PYGM: variants seen among roughly 807,000 people sequenced by gnomAD.
The protein encoded by PYGM is glycogen phosphorylase, muscle associated.
Under a neutral mutation model 99.3 loss-of-function variants are expected in PYGM, and 81 were observed. The ratio of observed to expected loss-of-function variants is 0.82; its 90% CI spans 0.68 to 0.98. The LOEUF (loss-of-function observed/expected upper bound fraction) is 0.98, where lower values mean the gene tolerates loss of function less well. Ranked by LOEUF, PYGM falls within the 50% of genes least tolerant of loss-of-function variation. The pLI is 0.00. For synonymous variants in PYGM, 436 were observed against 451.5 expected (o/e 0.97, Z 0.44); for missense variants, 1,030 against 1,158.1 (o/e 0.89, Z 1.61).
chr11:64,755,930 A>G lies in PYGM; in HGVS notation c.661-372T>C, dbSNP rs533994135. ...CTAGAGGACACTGTGGACTCATGAG[A>G]GGGCTGGGGGAACCCAGGGCCAGGC... On this transcript the variant is annotated intron_variant, in intron 5 of 19. Coordinates refer to ENST00000164139, the MANE Select transcript of PYGM (RefSeq NM_005609.4). The surrounding 1 kb of genome is among the most constrained non-coding windows in gnomAD (Gnocchi z 4.1). Among the ~76,000 whole-genome samples, 9 of 152,308 alleles carry G rather than the reference A, an allele frequency of 5.9e-5. No homozygotes were observed. In the South Asian group the frequency reaches 1.9e-3, roughly 32 times the overall value.
chr11:64,747,396 G>A (rs963261371), intron 17 of PYGM, 38 bp from the exon 18 acceptor site: 8 of 1,613,584 alleles, frequency 5.0e-6, no homozygotes, highest in Non-Finnish European at 6.8e-6. Flanking sequence ...CCCGGAAAGG[G>A]GTTCCTGGCT....
At position 64,753,504 on chromosome 11, in the gene PYGM, G is replaced by C. The variant is rs1376429966; in HGVS notation, c.1403+15C>G. 7.6e-6 allele frequency: 12 copies of C among 1,575,462 alleles called. No homozygotes were observed. Among genetic ancestry groups the C allele is most frequent in the African/African-American group, 2.7e-5 (2 of 74,354 alleles). ...GGGGCCTAGAGAGGGGCGGGATCTG[G>C]AAAGCGGGGCTCACATGGTCTTCTT... On this transcript the variant is annotated intron_variant, in intron 11 of 19. Transcript: ENST00000164139.
At chr11:64,750,913 C>T (rs745665974) in intron 16 of PYGM, among the ~76,000 whole-genome samples, 4 of 152,092 alleles carry the variant, frequency 2.6e-5, no homozygotes, top group Admixed American at 1.3e-4. Context: ...TTTTTTGAGA[C>T]GGAGTTTTGC....
At chr11:64,746,876 C>T in intron 19 of PYGM, 45 bp downstream of exon 19, 1 of 1,614,198 alleles carries the variant, frequency 6.2e-7, no homozygotes, top group Non-Finnish European at 8.5e-7. Context: ...TCATCCCAAC[C>T]AGGGCCACCA....
At chr11:64,747,146 C>T in intron 18 of PYGM, 78 bp downstream of exon 18, 1 of 1,590,792 alleles carries the variant, frequency 6.3e-7, no homozygotes, top group East Asian at 2.2e-5. Flanking sequence ...GGACCCGCGT[C>T]CGGCTTCCCC....
intron 5 of PYGM, among the ~76,000 whole-genome samples, chr11:64,757,009 C>T (rs1443271713): frequency 6.6e-6 from 1 of 152,016 alleles, no homozygotes. Context: ...CTCTGTCACC[C>T]AGGCTCCTGG....
chr11:64,752,461 T>A lies in PYGM; in HGVS notation c.1562A>T (p.Lys521Ile). ...TTCATCATCCACAAAGGAGAGCAGT[T>A]TGCGCAGCTGGTCCAGGTCAGAGAT... Reference protein sequence around the residue: ...DFISDLDQLRKLLSFVDDEAF... With the variant: ...DFISDLDQLRILLSFVDDEAF... The change falls in exon 13 of 20, where the codon AAA (lysine) becomes ATA (isoleucine). Residue 521 changes from lysine (K) to isoleucine (I), a missense_variant. Lys to Ile is a moderately radical substitution (Grantham distance 102, BLOSUM62 -3). Coordinates refer to ENST00000164139, the MANE Select transcript of PYGM (RefSeq NM_005609.4). 1.2e-6 allele frequency: 2 copies of A among 1,614,224 alleles called. No individual in the cohort carries two copies. Among genetic ancestry groups the A allele is most frequent in the Non-Finnish European group, 1.7e-6 (2 of 1,180,020 alleles).
At chr11:64,758,543 G>C in intron 2 of PYGM, 28 bp from the exon 3 acceptor site, 1 of 1,613,916 alleles carries the variant, frequency 6.2e-7, no homozygotes, top group Middle Eastern at 1.7e-4. Context: ...ACAGTGGTCA[G>C]GGTCAAGTGT....
In PYGM at chr11:64,754,401, A is replaced by T; in HGVS notation, c.1000-56T>A. ...CCAAACCACATTCCATGCTATGGTC[A>T]CTGCCCTATGCCATTTGGAGGCCCC... On this transcript the variant is annotated intron_variant, in intron 8 of 19. Transcript: ENST00000164139. The surrounding 1 kb of genome is among the most constrained non-coding windows in gnomAD (Gnocchi z 5.5). The T allele has an allele frequency of 6.9e-7, 1 of 1,442,888 alleles. No homozygotes were observed. The highest frequency in any genetic ancestry group is 9.7e-7 in the Non-Finnish European group (1 of 1,027,328). 89.4% of individuals were successfully genotyped at this position (1,442,888 alleles called of 1,614,324 possible).
chr11:64,753,781 C>T lies in PYGM; in HGVS notation c.1239+98G>A, dbSNP rs2058374113. On this transcript the variant is annotated intron_variant, in intron 10 of 19. Coordinates refer to ENST00000164139, the MANE Select transcript of PYGM (RefSeq NM_005609.4). ...GAGCTCTGCCCAGTGCCCCCACTGCCCCAGAGTCTCAGGGCCCTGGCTGGA... is the reference window on the plus strand; with the variant it reads ...GAGCTCTGCCCAGTGCCCCCACTGCTCCAGAGTCTCAGGGCCCTGGCTGGA... 6.5e-6 allele frequency: 10 copies of T among 1,545,248 alleles called. No individual in the cohort carries two copies. In the South Asian group the frequency reaches 1.1e-4, roughly 17 times the overall value.
intron 5 of PYGM, among the ~76,000 whole-genome samples, chr11:64,756,347 C>T (rs1221608984): frequency 1.3e-5 from 2 of 152,256 alleles, no homozygotes; most frequent in Non-Finnish European, 2.9e-5. Context: ...TGGAGGACAA[C>T]AAACAAATGC....
At position 64,747,204 on chromosome 11, in the gene PYGM, T is replaced by TC; in HGVS notation, c.2312+19dup. ...TGCCCTGCGGCCCCACCTGAGTGAT[T>TC]CCCGGGCCAACCAGCTCACCGGTCA... is the stretch of plus-strand genomic sequence containing the variant. On this transcript the variant is annotated intron_variant, in intron 18 of 19. Coordinates refer to ENST00000164139, the MANE Select transcript of PYGM (RefSeq NM_005609.4). The TC allele has an allele frequency of 6.2e-7, 1 of 1,613,558 alleles. No homozygotes were observed. Among genetic ancestry groups the TC allele is most frequent in the Admixed American group, 1.7e-5 (1 of 60,024 alleles).
Position 64,754,490 on chromosome 11 carries a change from TG to T in PYGM, c.1000-146del. The T allele has an allele frequency of 3.9e-6, 1 of 259,092 alleles. No individual in the cohort carries two copies. Among genetic ancestry groups the T allele is most frequent in the Non-Finnish European group, 5.2e-6 (1 of 192,292 alleles). The allele number at this position is 259,092 out of a possible 1,614,324, so 16.0% of individuals were successfully genotyped here. On this transcript the variant is annotated intron_variant, in intron 8 of 19. Transcript: ENST00000164139. The surrounding 1 kb of genome is among the most constrained non-coding windows in gnomAD (Gnocchi z 5.5). ...AGAGGCAGGCCGGTGCTCATGGGGG[TG>T]GGAGGAATGGGGGGAGTGGGGCGGG...
Position 64,754,329 on chromosome 11 carries a change from T to A in PYGM, c.1016A>T (p.Asn339Ile). 1 of 1,613,210 alleles carries A rather than the reference T, an allele frequency of 6.2e-7. No individual in the cohort carries two copies. The highest frequency in any genetic ancestry group is 8.5e-7 in the Non-Finnish European group (1 of 1,179,520). The change falls in exon 9 of 20, where the codon AAT (asparagine) becomes ATT (isoleucine). Residue 339 changes from asparagine to isoleucine, a missense_variant. Transcript: ENST00000164139. The surrounding 1 kb of genome is among the most constrained non-coding windows in gnomAD (Gnocchi z 5.5). ...AFPDKVAIQL[N>I]DTHPSLAIPE... Reference sequence around the variant, plus strand: ...GATGGCCAGGGAGGGGTGGGTGTCATTGAGCTGGATGGCCACCTGGGGTAG... The same window carrying A: ...GATGGCCAGGGAGGGGTGGGTGTCAATGAGCTGGATGGCCACCTGGGGTAG...
At position 64,753,509 on chromosome 11, in the gene PYGM, C is replaced by T. The variant is rs111318315; in HGVS notation, c.1403+10G>A. 2.5e-5 allele frequency: 40 copies of T among 1,579,186 alleles called. 1 individual carries two copies. In the African/African-American group the frequency reaches 3.2e-4, roughly 13 times the overall value. ...CTAGAGAGGGGCGGGATCTGGAAAG[C>T]GGGGCTCACATGGTCTTCTTGAGGA... On this transcript the variant is annotated intron_variant, in intron 11 of 19. Transcript: ENST00000164139.
intron 1 of PYGM, 102 bp downstream of exon 1, chr11:64,759,554 C>A: frequency 6.4e-7 from 1 of 1,553,528 alleles, no homozygotes; most frequent in Non-Finnish European, 8.7e-7. Flanking sequence ...TTCTCCACCC[C>A]CAAGAACCTA....
intron 17 of PYGM, chr11:64,747,697 T>A (rs533336483): frequency 6.2e-4 from 226 of 367,154 alleles, no homozygotes; most frequent in Non-Finnish European, 9.5e-4. Context: ...GTAGCCCAAG[T>A]CCATATCCGG....
Position 64,754,101 on chromosome 11 carries a change from GCCCC to G in PYGM, c.1093-80_1093-77del. The G allele has an allele frequency of 6.2e-7, 1 of 1,603,040 alleles. No homozygotes were observed. Among genetic ancestry groups the G allele is most frequent in the Non-Finnish European group, 8.5e-7 (1 of 1,173,308 alleles). ...CCTCACACACTACGCATCCCAGTGG[GCCCC>G]CCCACTGCAGTGCCAGGTTCCAGGA... On this transcript the variant is annotated intron_variant, in intron 9 of 19. Coordinates refer to ENST00000164139, the MANE Select transcript of PYGM (RefSeq NM_005609.4). This position sits in a 1 kb window ranked among gnomAD's most constrained non-coding sequence, Gnocchi z 5.5.
At chr11:64,759,316 T>A (rs2058417388) in intron 1 of PYGM, among the ~76,000 whole-genome samples, 1 of 151,036 alleles carries the variant, frequency 6.6e-6, no homozygotes. Context: ...CAGCCCCGCC[T>A]GCTGCACAGG....
Sources: allele counts gnomAD v4.1 joint callset (sites outside exome capture counted in the v4.1 genomes callset), GRCh38; gene constraint gnomAD v4.1.1; non-coding constraint Gnocchi (gnomAD v3.1); transcripts MANE v1.5; gene names NCBI Gene and HGNC (gene_info 2026-07-23, HGNC 2026-07-21).